Variants in ACCSL observed in about 807,000 individuals in gnomAD.
The protein encoded by ACCSL is probable inactive 1-aminocyclopropane-1-carboxylate synthase-like protein 2.
ACCSL carries 55 observed loss-of-function variants against 61.7 expected under a neutral mutation model. That is an observed-to-expected ratio of 0.89 (90% CI 0.72 to 1.12). The LOEUF is 1.12. ACCSL is among the 50% of genes most tolerant of loss of function. The probability of loss-of-function intolerance (pLI) is 0.00; values close to 1 mark genes in which losing one functional copy is unlikely to be tolerated. For synonymous variants in ACCSL, 258 were observed against 264.3 expected (o/e 0.98, Z 0.23); for missense variants, 632 against 698.0 (o/e 0.91, Z 1.07).
chr11:44,047,346 A>G (rs1300848388), upstream of ACCSL, among the ~76,000 whole-genome samples: 1 of 152,150 alleles, frequency 6.6e-6, no homozygotes, highest in Non-Finnish European at 1.5e-5. Context: ...CAACCTGGAG[A>G]AGAAAAGGCA....
chr11:44,011,558 G>A, the ACCSL span, among the ~76,000 whole-genome samples: 1 of 152,156 alleles, frequency 6.6e-6, no homozygotes, highest in African/African-American at 2.4e-5. Context: ...ATCTGTGAGA[G>A]GTGCTCAATA....
the ACCSL span, chr11:43,973,891 A>G: frequency 6.6e-6 from 1 of 152,194 alleles, no homozygotes; most frequent in Non-Finnish European, 1.5e-5. Flanking sequence ...CTGTGGATAT[A>G]TAAGATCATT....
chr11:44,027,212 T>C, the ACCSL span, among the ~76,000 whole-genome samples: 21 of 152,182 alleles, frequency 1.4e-4, no homozygotes. Flanking sequence ...TGGCAGACAG[T>C]CTACAACTCT....
At chr11:44,049,904 T>C (rs1952625194) in intron 1 of ACCSL, 158 bp from the exon 2 acceptor site, 1 of 887,820 alleles carries the variant, frequency 1.1e-6, no homozygotes, top group Non-Finnish European at 1.8e-6. Context: ...GCTGTACTAT[T>C]TTGGGTTCAT....
At chr11:43,974,508 T>C in the ACCSL span, among the ~76,000 whole-genome samples, 1 of 152,324 alleles carries the variant, frequency 6.6e-6, no homozygotes, top group South Asian at 2.1e-4. Context: ...AGACCCCTTT[T>C]CTAAATAAGT....
chr11:43,962,783 G>A, the ACCSL span, among the ~76,000 whole-genome samples: 1 of 152,188 alleles, frequency 6.6e-6, no homozygotes, highest in South Asian at 2.1e-4. Context: ...AGACTTGAAA[G>A]CTAATAAATC....
At chr11:43,989,683 C>G in the ACCSL span, among the ~76,000 whole-genome samples, 7 of 152,224 alleles carry the variant, frequency 4.6e-5, no homozygotes, top group African/African-American at 1.7e-4. Flanking sequence ...GGATTTGGGG[C>G]AGAGGACTTT....
intron 4 of ACCSL, 27 bp from the exon 5 acceptor site, chr11:44,051,626 C>G: frequency 6.2e-7 from 1 of 1,614,024 alleles, no homozygotes; most frequent in South Asian, 1.1e-5. Flanking sequence ...TTGGTTTTGA[C>G]TTCTGCCTCT....
the ACCSL span, among the ~76,000 whole-genome samples, chr11:44,016,416 C>T: frequency 1.5e-4 from 23 of 152,158 alleles, no homozygotes; most frequent in African/African-American, 7.2e-5. Context: ...GGGGAATGGG[C>T]GAGCAGATAT....
chr11:44,059,431 A>G (rs1038086717), intron 13 of ACCSL, among the ~76,000 whole-genome samples: 3 of 152,204 alleles, frequency 2.0e-5, no homozygotes, highest in Admixed American at 6.5e-5. Context: ...ATTGCATTCC[A>G]CTACATGCCA....
At chr11:44,033,927 T>A in the ACCSL span, among the ~76,000 whole-genome samples, 1 of 149,190 alleles carries the variant, frequency 6.7e-6, no homozygotes, top group African/African-American at 2.5e-5. Context: ...CTAAGCAAAG[T>A]AATGAGATGC....
chr11:43,946,027 G>T, the ACCSL span, among the ~76,000 whole-genome samples: 2 of 152,172 alleles, frequency 1.3e-5, no homozygotes, highest in Non-Finnish European at 2.9e-5. Flanking sequence ...GGGTTGAAAT[G>T]AATAAAGAGG....
the ACCSL span, chr11:43,925,051 G>C: frequency 5.4e-6 from 1 of 185,890 alleles, no homozygotes; most frequent in African/African-American, 2.3e-5. Context: ...CCATTCACCT[G>C]GAGTGAGAGG....
the ACCSL span, among the ~76,000 whole-genome samples, chr11:43,958,380 G>A: frequency 1.3e-5 from 2 of 152,056 alleles, no homozygotes; most frequent in African/African-American, 4.8e-5. Context: ...GAACAGCTTC[G>A]ACTCCCTATG....
the ACCSL span, among the ~76,000 whole-genome samples, chr11:43,950,764 C>T: frequency 6.6e-6 from 1 of 152,186 alleles, no homozygotes; most frequent in Non-Finnish European, 1.5e-5. Flanking sequence ...CTTGTGGAGC[C>T]GAACAGCCTG....
At position 44,050,060 on chromosome 11, in the gene ACCSL, A is replaced by T; in HGVS notation, c.505-2A>T. On this transcript the variant is annotated splice_acceptor_variant, in intron 1 of 13. Coordinates refer to ENST00000378832, the MANE Select transcript of ACCSL (RefSeq NM_001031854.2). LOFTEE classifies it high-confidence loss of function. ...CTGATCTTGGATTCCTTCCATCTCC[A>T]GGGTTTCATTAACCTTGGCACCAGT... is the stretch of plus-strand genomic sequence containing the variant. The T allele has an allele frequency of 1.2e-6, 2 of 1,614,198 alleles. No homozygotes were observed. The highest frequency in any genetic ancestry group is 1.7e-6 in the Non-Finnish European group (2 of 1,180,024).
chr11:43,993,444 C>T, the ACCSL span, among the ~76,000 whole-genome samples: 1 of 152,134 alleles, frequency 6.6e-6, no homozygotes, highest in African/African-American at 2.4e-5. Flanking sequence ...TCCTGAGTAA[C>T]ATCCTGGCCG....
At chr11:43,983,152 ATCCCCCAT>A in the ACCSL span, among the ~76,000 whole-genome samples, 1 of 152,298 alleles carries the variant, frequency 6.6e-6, no homozygotes, top group South Asian at 2.1e-4. Context: ...ATTTTGGCCC[ATCCCCCAT>A]TGGAGGTGAT....
chr11:44,048,265 C>T lies in ACCSL; in HGVS notation c.229C>T (p.Arg77Trp), dbSNP rs547162461. 1.6e-5 allele frequency: 26 copies of T among 1,614,086 alleles called. No homozygotes were observed. The highest frequency in any genetic ancestry group is 1.0e-4 in the Admixed American group (6 of 60,010). Residue 77 changes from arginine (R) to tryptophan (W), a missense_variant, in exon 1 of 14, where the codon CGG becomes TGG. Physicochemically the swap from Arg to Trp is moderately radical, Grantham distance 101 (BLOSUM62 -3). Transcript: ENST00000378832. The part of the protein sequence containing the change: ...HEALLSRLIC[R>W]MINLLQSGAA... ...AGCCCTTCTGAGTCGCTTAATATGC[C>T]GGATGATCAACCTCCTACAGTCTGG... is the stretch of plus-strand genomic sequence containing the variant.
Sources: gnomAD v4.1 joint callset for allele counts (sites outside exome capture counted in the v4.1 genomes callset) on GRCh38, gnomAD v4.1.1 for gene constraint, MANE v1.5 for transcripts, NCBI Gene and HGNC (gene_info 2026-07-23, HGNC 2026-07-21) for gene names.